The following RORB variants were observed in gnomAD, a reference collection of about 807,000 sequenced individuals.
RORB encodes nuclear receptor ROR-beta.
RORB carries 6 observed loss-of-function variants against 59.1 expected under a neutral mutation model. The observed-to-expected ratio is 0.10, with a 90% CI of 0.06 to 0.20. The LOEUF (loss-of-function observed/expected upper bound fraction) is 0.20. Ranked by LOEUF, RORB falls within the 10% of genes least tolerant of loss-of-function variation. The probability of loss-of-function intolerance (pLI) is 1.00; values close to 1 mark genes in which losing one functional copy is unlikely to be tolerated. For missense variants in RORB, 320 were observed against 560.5 expected (o/e 0.57, Z 4.33); for synonymous variants, 215 against 204.5 (o/e 1.05, Z -0.44).
At chr9:74,543,714 T>A (rs558108736) in intron 1 of RORB, among the ~76,000 whole-genome samples, 22 of 152,256 alleles carry the variant, frequency 1.4e-4, no homozygotes, top group African/African-American at 5.1e-4. Flanking sequence ...GTAAATAATA[T>A]CTCCCTAATC....
At chr9:74,565,947 C>T (rs1391081956) in intron 1 of RORB, among the ~76,000 whole-genome samples, 8 of 152,120 alleles carry the variant, frequency 5.3e-5, no homozygotes, top group Non-Finnish European at 1.2e-4. Flanking sequence ...TGATGATCTC[C>T]AATCCTAAAA....
intron 1 of RORB, among the ~76,000 whole-genome samples, chr9:74,626,024 C>T (rs998443017): frequency 1.3e-5 from 2 of 152,176 alleles, no homozygotes; most frequent in African/African-American, 4.8e-5. Context: ...TTAACACCTG[C>T]TGTTACTAGC....
chr9:74,649,223 T>C (rs544185192), intron 4 of RORB, among the ~76,000 whole-genome samples: 1 of 152,240 alleles, frequency 6.6e-6, no homozygotes, highest in African/African-American at 2.4e-5. Flanking sequence ...AGTGCTGATA[T>C]TACAGGCATG....
At chr9:74,591,958 C>CAGAG (rs374600755) in intron 1 of RORB, among the ~76,000 whole-genome samples, 9 of 148,878 alleles carry the variant, frequency 6.0e-5, no homozygotes, top group African/African-American at 2.0e-4. Flanking sequence ...GAGAGAGAGA[C>CAGAG]AGAGAGAGAG....
chr9:74,585,818 G>A (rs905771509), intron 1 of RORB, among the ~76,000 whole-genome samples: 6 of 19,992 alleles, frequency 3.0e-4, no homozygotes, highest in Admixed American at 5.4e-4. Flanking sequence ...TTATTGAGAC[G>A]GATTCTCGCT....
intron 9 of RORB, among the ~76,000 whole-genome samples, chr9:74,679,327 A>G (rs755262295): frequency 6.6e-6 from 1 of 152,240 alleles, no homozygotes; most frequent in Admixed American, 6.5e-5. Flanking sequence ...TTCCCAAGTC[A>G]TAAGTATGTA....
At position 74,531,686 on chromosome 9, in the gene RORB, A is replaced by G. The variant is rs1826241518; in HGVS notation, c.7+33703A>G. Among the ~76,000 whole-genome samples the G allele has an allele frequency of 2.0e-5, 3 of 152,150 alleles. No individual in the cohort carries two copies. In the South Asian group the frequency reaches 6.2e-4, roughly 32 times the overall value. On this transcript the variant is annotated intron_variant, in intron 1 of 9. Coordinates refer to ENST00000376896, the MANE Select transcript of RORB (RefSeq NM_006914.4). ...TGGCTCCTTTAATATACAAGAGAAAAAAATAAGCCCTACATTTTTTAATGA... is the reference window on the plus strand; with the variant it reads ...TGGCTCCTTTAATATACAAGAGAAAGAAATAAGCCCTACATTTTTTAATGA...
intron 9 of RORB, among the ~76,000 whole-genome samples, chr9:74,675,733 C>T (rs950607004): frequency 7.2e-5 from 11 of 152,170 alleles, no homozygotes; most frequent in African/African-American, 2.4e-4. Flanking sequence ...GGTCAGCGTG[C>T]CCGTCAGTCT....
At chr9:74,631,185 A>T in intron 2 of RORB, among the ~76,000 whole-genome samples, 1 of 152,238 alleles carries the variant, frequency 6.6e-6, no homozygotes, top group Non-Finnish European at 1.5e-5. Context: ...AGAATGTTGA[A>T]ATTTAACAGT....
At chr9:74,546,987 G>A (rs543389788) in intron 1 of RORB, among the ~76,000 whole-genome samples, 56 of 152,170 alleles carry the variant, frequency 3.7e-4, no homozygotes, top group African/African-American at 1.3e-3. Context: ...CCAGCTACTC[G>A]GGAGGCTGAG....
intron 1 of RORB, among the ~76,000 whole-genome samples, chr9:74,508,926 C>T (rs1458713948): frequency 1.3e-5 from 2 of 151,408 alleles, no homozygotes; most frequent in Non-Finnish European, 3.0e-5. Context: ...TCTCTCTGGC[C>T]ATACTATTTT....
chr9:74,508,106 T>G (rs1482481592), intron 1 of RORB, among the ~76,000 whole-genome samples: 1 of 152,062 alleles, frequency 6.6e-6, no homozygotes, highest in Non-Finnish European at 1.5e-5. Context: ...AAATGCTGAC[T>G]ACTTTTAATA....
intron 4 of RORB, among the ~76,000 whole-genome samples, chr9:74,644,505 TGACAGAGCCAGGGTTCACCTCA>T: frequency 6.6e-6 from 1 of 152,158 alleles, no homozygotes; most frequent in African/African-American, 2.4e-5. Flanking sequence ...AATTACTAAA[TGACAGAGCCAGGGTTCACCTCA>T]GACAGTCTGA....
chr9:74,505,880 A>G (rs1239557807), intron 1 of RORB, among the ~76,000 whole-genome samples: 1 of 152,018 alleles, frequency 6.6e-6, no homozygotes, highest in Non-Finnish European at 1.5e-5. Context: ...ACAATTGAAA[A>G]CAAAATCCTT....
At chr9:74,535,010 A>C (rs1331859359) in intron 1 of RORB, among the ~76,000 whole-genome samples, 1 of 152,048 alleles carries the variant, frequency 6.6e-6, no homozygotes, top group African/African-American at 2.4e-5. Context: ...CATATAGATC[A>C]GCGGGCTCTG....
At chr9:74,522,206 T>C (rs1242060054) in intron 1 of RORB, among the ~76,000 whole-genome samples, 1 of 151,792 alleles carries the variant, frequency 6.6e-6, no homozygotes, top group Non-Finnish European at 1.5e-5. Context: ...CAATTTGTTT[T>C]ACATTTTCAG....
chr9:74,635,113 G>C (rs963088992), intron 3 of RORB, among the ~76,000 whole-genome samples: 1 of 152,096 alleles, frequency 6.6e-6, no homozygotes, highest in African/African-American at 2.4e-5. Flanking sequence ...AGATAATACC[G>C]GAAAGTCCTA....
At chr9:74,677,965 G>A (rs757121140) in intron 9 of RORB, among the ~76,000 whole-genome samples, 6 of 152,174 alleles carry the variant, frequency 3.9e-5, no homozygotes, top group South Asian at 2.1e-4. Context: ...TTCACATGCT[G>A]TGGAGGAAAA....
chr9:74,568,310 A>C (rs905903734), intron 1 of RORB, among the ~76,000 whole-genome samples: 1 of 151,776 alleles, frequency 6.6e-6, no homozygotes, highest in Non-Finnish European at 1.5e-5. Context: ...TGATTTTTTT[A>C]GGTCATTATA....
Sources: allele counts gnomAD v4.1 joint callset (sites outside exome capture counted in the v4.1 genomes callset), GRCh38; gene constraint gnomAD v4.1.1; transcripts MANE v1.5; gene names NCBI Gene and HGNC (gene_info 2026-07-23, HGNC 2026-07-21).